The following CELF2 variants were observed in gnomAD, a reference collection of about 807,000 sequenced individuals.
The protein encoded by CELF2 is CUG triplet repeat RNA-binding protein 2.
In CELF2, 8 loss-of-function variants were observed where a neutral mutation model predicts 62.6. The ratio of observed to expected loss-of-function variants is 0.13; its 90% confidence interval spans 0.07 to 0.23. CELF2 has a LOEUF of 0.23. Ranked by LOEUF, CELF2 falls within the 10% of genes least tolerant of loss-of-function variation. The pLI is 1.00. For missense variants in CELF2, 333 were observed against 671.0 expected, an observed-to-expected ratio of 0.50 and a Z score of 5.56; for synonymous variants, 258 against 250.0, an observed-to-expected ratio of 1.03 and a Z score of -0.30.
chr10:10,808,911 T>G lies in CELF2; in HGVS notation c.53+10094T>G, dbSNP rs1049872560. Among the ~76,000 whole-genome samples the G allele has an allele frequency of 2.6e-5, 4 of 152,180 alleles. No individual in the cohort carries two copies. The East Asian group carries it at 7.7e-4, about 29-fold the overall frequency. On this transcript the variant is annotated intron_variant, in intron 1 of 13. Coordinates refer to the CELF2 transcript ENST00000636488. ...AACTAGGTTTGAGTCCATACGCTATTGATATTGAAGCTCATTTTTAAAAAT... is the reference window on the plus strand; with the variant it reads ...AACTAGGTTTGAGTCCATACGCTATGGATATTGAAGCTCATTTTTAAAAAT...
At chr10:11,276,561 G>C (rs986761370) in intron 8 of CELF2, among the ~76,000 whole-genome samples, 1 of 152,196 alleles carries the variant, frequency 6.6e-6, no homozygotes, top group Non-Finnish European at 1.5e-5. Flanking sequence ...AAAACCTCCT[G>C]ATTGCAAGCT....
At chr10:10,498,083 G>A in the CELF2 span, among the ~76,000 whole-genome samples, 518 of 152,236 alleles carry the variant, frequency 3.4e-3, 8 homozygotes, top group East Asian at 0.034. Flanking sequence ...GTTTGCTTAC[G>A]GACCAGTTGT....
the CELF2 span, among the ~76,000 whole-genome samples, chr10:10,503,305 T>C: frequency 6.6e-6 from 1 of 152,002 alleles, no homozygotes; most frequent in South Asian, 2.1e-4. Context: ...AGTTATTCTA[T>C]CAGTTGCGGA....
chr10:11,122,173 C>T (rs758953803), intron 1 of CELF2, among the ~76,000 whole-genome samples: 1 of 152,154 alleles, frequency 6.6e-6, no homozygotes, highest in Non-Finnish European at 1.5e-5. Context: ...TTATTTGGAA[C>T]AGTGTTTTTT....
rs2065596898 is a variant in CELF2 at position 11,223,710 on chromosome 10, A to G, written c.354+6203A>G. Among the ~76,000 whole-genome samples the G allele has an allele frequency of 6.6e-6, 1 of 152,060 alleles. No homozygotes were observed. Among genetic ancestry groups the G allele is most frequent in the South Asian group, 2.1e-4 (1 of 4,822 alleles). On this transcript the variant is annotated intron_variant, in intron 3 of 12. Coordinates refer to ENST00000633077, the MANE Select transcript of CELF2 (RefSeq NM_001326342.2). This position sits in a 1 kb window ranked among gnomAD's most constrained non-coding sequence, Gnocchi z 5.1. ...ACAGCAGTATGAAAGGGGTAGGGGC[A>G]GAGTGTAGACCCAGCCCCAAGTCGG... is the stretch of plus-strand genomic sequence containing the variant.
chr10:11,283,416 A>G (rs1248017531), intron 8 of CELF2, among the ~76,000 whole-genome samples: 2 of 152,222 alleles, frequency 1.3e-5, no homozygotes, highest in Non-Finnish European at 2.9e-5. Flanking sequence ...CTAGCCCATC[A>G]TGGCCACTCA....
chr10:10,796,056 C>T (rs1332508919), upstream of CELF2, among the ~76,000 whole-genome samples: 8 of 152,024 alleles, frequency 5.3e-5, no homozygotes, highest in Admixed American at 1.3e-4. Context: ...GCTGATTTTC[C>T]GTTTATGGAA....
the CELF2 span, among the ~76,000 whole-genome samples, chr10:10,714,900 T>C: frequency 1.3e-5 from 2 of 152,152 alleles, no homozygotes; most frequent in Admixed American, 6.5e-5. Context: ...ATCTGACTTA[T>C]TGGAAATAGT....
chr10:10,747,850 G>GGGCC, the CELF2 span, among the ~76,000 whole-genome samples: 1 of 152,092 alleles, frequency 6.6e-6, no homozygotes, highest in African/African-American at 2.4e-5. Flanking sequence ...GGGACTACAG[G>GGGCC]CATGTGCCAC....
Position 11,332,540 on chromosome 10 carries a change from ATGACTTTCTACGAACAGGTACCTTG to A in CELF2, c.*3488_*3512del, listed in dbSNP as rs1213468598. ...CTGCTGCCACTTTTTAAAGTGCCATATGACTTTCTACGAACAGGTACCTTGCTGTCTTGACAAATCCTAATGTCAC... is the reference window on the plus strand; with the variant it reads ...CTGCTGCCACTTTTTAAAGTGCCATACTGTCTTGACAAATCCTAATGTCAC... On this transcript the variant is annotated 3_prime_UTR_variant, in exon 13 of 13. Coordinates refer to ENST00000633077, the MANE Select transcript of CELF2 (RefSeq NM_001326342.2). 2.0e-5 allele frequency: 3 copies of A among 152,604 alleles called. No individual in the cohort carries two copies. The highest frequency in any genetic ancestry group is 7.2e-5 in the African/African-American group (3 of 41,426). 9.5% of individuals were successfully genotyped at this position (152,604 alleles called of 1,614,324 possible). A position where few individuals can be genotyped will look rare whatever the true frequency, so the allele number is the denominator to read the frequency against.
In CELF2 at chr10:11,156,029, C is replaced by T. The variant is rs1053108856; in HGVS notation, c.75-9457C>T. Among the ~76,000 whole-genome samples, 9 of 152,068 alleles carry T rather than the reference C, an allele frequency of 5.9e-5. No individual in the cohort carries two copies. Among genetic ancestry groups the T allele is most frequent in the Admixed American group, 2.0e-4 (3 of 15,270 alleles). Reference sequence around the variant, plus strand: ...GAAAAGTAGGTGGAGTTCTGAATGCCGGGCAAGCACAAAGGTCAGTGACGC... The same window carrying T: ...GAAAAGTAGGTGGAGTTCTGAATGCTGGGCAAGCACAAAGGTCAGTGACGC... On this transcript the variant is annotated intron_variant, in intron 1 of 12. Coordinates refer to ENST00000633077, the MANE Select transcript of CELF2 (RefSeq NM_001326342.2). This position sits in a 1 kb window ranked among gnomAD's most constrained non-coding sequence, Gnocchi z 4.3.
intron 1 of CELF2, among the ~76,000 whole-genome samples, chr10:11,051,626 A>G (rs2063942145): frequency 6.6e-6 from 1 of 152,216 alleles, no homozygotes; most frequent in African/African-American, 2.4e-5. Context: ...GACTGCCTCC[A>G]TGGAACTCCA....
At chr10:11,312,335 A>G (rs577629560) in intron 9 of CELF2, among the ~76,000 whole-genome samples, 21 of 152,362 alleles carry the variant, frequency 1.4e-4, no homozygotes, top group African/African-American at 4.8e-4. Context: ...TAATAAGCAA[A>G]GGAAGTGGTA....
chr10:11,282,243 G>A (rs1446178331), intron 8 of CELF2, among the ~76,000 whole-genome samples: 1 of 152,198 alleles, frequency 6.6e-6, no homozygotes, highest in Non-Finnish European at 1.5e-5. Flanking sequence ...CACAGGAGGA[G>A]AAGGAAGAGG....
At chr10:10,620,693 G>C in the CELF2 span, among the ~76,000 whole-genome samples, 5 of 151,692 alleles carry the variant, frequency 3.3e-5, no homozygotes, top group African/African-American at 1.2e-4. Context: ...ACGAGGTCAG[G>C]AGATTGAGAC....
At chr10:10,849,732 C>CGT (rs1334958456) in intron 1 of CELF2, among the ~76,000 whole-genome samples, 1 of 151,824 alleles carries the variant, frequency 6.6e-6, no homozygotes, top group Non-Finnish European at 1.5e-5. Context: ...TTTTATCATA[C>CGT]GTGTGTGTGT....
At chr10:10,674,598 T>C in the CELF2 span, among the ~76,000 whole-genome samples, 1 of 152,248 alleles carries the variant, frequency 6.6e-6, no homozygotes, top group African/African-American at 2.4e-5. Context: ...TTGTTCCTAC[T>C]TTTTCTTCCA....
chr10:10,985,034 A>G (rs889098086), intron 2 of CELF2, among the ~76,000 whole-genome samples: 1 of 152,196 alleles, frequency 6.6e-6, no homozygotes, highest in Non-Finnish European at 1.5e-5. Flanking sequence ...ATATAAAAAT[A>G]TGTTGCCCCA....
At chr10:10,625,209 C>T in the CELF2 span, among the ~76,000 whole-genome samples, 9 of 150,488 alleles carry the variant, frequency 6.0e-5, no homozygotes, top group Admixed American at 5.9e-4. Flanking sequence ...ATAGAAAAGA[C>T]AAATTAAAGA....
Sources: allele counts gnomAD v4.1 joint callset (sites outside exome capture counted in the v4.1 genomes callset), GRCh38; gene constraint gnomAD v4.1.1; non-coding constraint Gnocchi (gnomAD v3.1); transcripts MANE v1.5; gene names NCBI Gene and HGNC (gene_info 2026-07-23, HGNC 2026-07-21).